Variants in C12orf42 observed in about 807,000 individuals in gnomAD.
C12orf42 encodes uncharacterized protein C12orf42.
A neutral mutation model predicts 21.6 loss-of-function variants in C12orf42; 25 were observed. The ratio of observed to expected loss-of-function variants is 1.16; its 90% CI spans 0.84 to 1.62. The LOEUF (loss-of-function observed/expected upper bound fraction) is 1.62. Among genes scored for constraint, C12orf42 ranks in the 40% most tolerant of loss-of-function variants. The pLI is 0.00. For missense variants in C12orf42, 483 were observed against 459.3 expected (o/e 1.05, Z -0.47); for synonymous variants, 174 against 175.0 (o/e 0.99, Z 0.05).
chr12:103,343,517 G>A (rs894254255), intron 4 of C12orf42, among the ~76,000 whole-genome samples: 10 of 152,202 alleles, frequency 6.6e-5, no homozygotes, highest in African/African-American at 9.6e-5. Flanking sequence ...GGTGGCTCAC[G>A]CCTGTAATCC....
the C12orf42 span, among the ~76,000 whole-genome samples, chr12:103,561,232 C>T: frequency 9.2e-3 from 1,397 of 152,290 alleles, 6 homozygotes; most frequent in African/African-American, 0.017. Flanking sequence ...CATTCTCACA[C>T]GAACCAGAGC....
At chr12:103,508,383 G>A in the C12orf42 span, among the ~76,000 whole-genome samples, 1 of 152,120 alleles carries the variant, frequency 6.6e-6, no homozygotes. Context: ...AAGATTTTGA[G>A]TTTGTCTTAG....
At chr12:103,139,145 C>G in the C12orf42 span, among the ~76,000 whole-genome samples, 3 of 152,206 alleles carry the variant, frequency 2.0e-5, no homozygotes, top group Non-Finnish European at 4.4e-5. Flanking sequence ...ATGAGACCTT[C>G]TAGCCCAAGC....
chr12:103,208,075 C>T, the C12orf42 span, among the ~76,000 whole-genome samples: 4 of 152,190 alleles, frequency 2.6e-5, no homozygotes, highest in Non-Finnish European at 5.9e-5. Context: ...CCTCAGTCCA[C>T]CCACAAATCC....
chr12:103,378,950 G>A (rs566569598), intron 3 of C12orf42, among the ~76,000 whole-genome samples: 3 of 152,068 alleles, frequency 2.0e-5, no homozygotes, highest in Admixed American at 6.6e-5. Flanking sequence ...ATGAAGAAAA[G>A]ATAGGGTTTT....
intron 10 of C12orf42, among the ~76,000 whole-genome samples, chr12:103,249,856 C>G (rs909654405): frequency 6.6e-6 from 1 of 152,098 alleles, no homozygotes; most frequent in Non-Finnish European, 1.5e-5. Flanking sequence ...CTTAGATTTT[C>G]TAACCTTCCA....
chr12:103,071,274 G>C, the C12orf42 span, among the ~76,000 whole-genome samples: 1 of 152,050 alleles, frequency 6.6e-6, no homozygotes, highest in African/African-American at 2.4e-5. Flanking sequence ...TACACAAAAA[G>C]TTTATTTTTA....
intron 4 of C12orf42, among the ~76,000 whole-genome samples, chr12:103,288,141 C>A (rs1396823614): frequency 6.6e-6 from 1 of 152,132 alleles, no homozygotes; most frequent in African/African-American, 2.4e-5. Context: ...GATATTCTCC[C>A]AAATTTACCA....
At chr12:103,408,770 C>T (rs1240881535) in intron 2 of C12orf42, among the ~76,000 whole-genome samples, 3 of 152,072 alleles carry the variant, frequency 2.0e-5, no homozygotes, top group Admixed American at 2.0e-4. Context: ...AAACCAAAAA[C>T]TGTATATTTT....
intron 4 of C12orf42, among the ~76,000 whole-genome samples, chr12:103,314,409 C>T (rs1327360312): frequency 6.6e-6 from 1 of 152,184 alleles, no homozygotes; most frequent in African/African-American, 2.4e-5. Flanking sequence ...AAACAAGGAT[C>T]TGTTTACCTA....
At chr12:103,124,556 A>G in the C12orf42 span, among the ~76,000 whole-genome samples, 1 of 152,042 alleles carries the variant, frequency 6.6e-6, no homozygotes, top group East Asian at 1.9e-4. Flanking sequence ...AAGAAACTAA[A>G]ATTTATTGAA....
intron 2 of C12orf42, among the ~76,000 whole-genome samples, chr12:103,417,238 T>C (rs548470273): frequency 6.6e-6 from 1 of 152,324 alleles, no homozygotes; most frequent in South Asian, 2.1e-4. Context: ...GCAAAGTTTG[T>C]ATGCTGTAAG....
intron 4 of C12orf42, among the ~76,000 whole-genome samples, chr12:103,346,070 C>A (rs980371538): frequency 6.6e-6 from 1 of 152,110 alleles, no homozygotes; most frequent in Non-Finnish European, 1.5e-5. Flanking sequence ...CTGCAGCATG[C>A]TCTTATTAAT....
Position 103,319,674 on chromosome 12 carries a change from G to T in C12orf42, c.260-13329C>A, listed in dbSNP as rs556176517. 1.8e-4 allele frequency among the ~76,000 whole-genome samples: 27 copies of T among 152,350 alleles called. No homozygotes were observed. The East Asian group carries it at 5.2e-3, about 29-fold the overall frequency. ...TAAAGATTTCAATAGTTCAAAGATT[G>T]CCCTATGGCCGTCTGGCCAATACAT... On this transcript the variant is annotated intron_variant, in intron 4 of 5. Coordinates refer to ENST00000548883, the MANE Select transcript of C12orf42 (RefSeq NM_198521.5).
downstream of C12orf42, among the ~76,000 whole-genome samples, chr12:103,300,960 T>G (rs964850485): frequency 1.3e-5 from 2 of 152,214 alleles, no homozygotes; most frequent in Non-Finnish European, 2.9e-5. Flanking sequence ...CTCTAAAGTT[T>G]AGGGATTCCA....
upstream of C12orf42, among the ~76,000 whole-genome samples, chr12:103,498,429 A>G (rs1955627520): frequency 6.6e-6 from 1 of 152,264 alleles, no homozygotes; most frequent in Non-Finnish European, 1.5e-5. Context: ...TAAGGCAAAG[A>G]TATGACAGTA....
chr12:103,262,849 C>G, intron 10 of C12orf42, among the ~76,000 whole-genome samples: 1 of 152,152 alleles, frequency 6.6e-6, no homozygotes, highest in Non-Finnish European at 1.5e-5. Context: ...AAGACACATG[C>G]ACACGTATGT....
At chr12:103,255,093 C>T (rs2034494539) in intron 10 of C12orf42, among the ~76,000 whole-genome samples, 1 of 152,024 alleles carries the variant, frequency 6.6e-6, no homozygotes, top group African/African-American at 2.4e-5. Flanking sequence ...AATATGTGGG[C>T]CGGGCATGAT....
chr12:103,506,357 G>A, the C12orf42 span, among the ~76,000 whole-genome samples: 1 of 136,270 alleles, frequency 7.3e-6, no homozygotes, highest in South Asian at 2.2e-4. Flanking sequence ...TGCAGTCACT[G>A]CGGAGCTAAA....
Sources: gnomAD v4.1 joint callset for allele counts (sites outside exome capture counted in the v4.1 genomes callset) on GRCh38, gnomAD v4.1.1 for gene constraint, MANE v1.5 for transcripts, NCBI Gene and HGNC (gene_info 2026-07-23, HGNC 2026-07-21) for gene names.